Variants in PRSS12 observed in about 807,000 individuals in gnomAD.
PRSS12 encodes serine protease 12, also known as neurotrypsin.
PRSS12 carries 85 observed loss-of-function variants against 104.4 expected under a neutral mutation model. The ratio of observed to expected loss-of-function variants is 0.81; its 90% CI spans 0.68 to 0.98. The LOEUF (loss-of-function observed/expected upper bound fraction) is 0.98, where lower values mean the gene tolerates loss of function less well. PRSS12 is among the 50% of genes least tolerant of loss of function. The probability of loss-of-function intolerance (pLI) is 0.00; values close to 1 mark genes in which losing one functional copy is unlikely to be tolerated. For missense variants in PRSS12, 1,141 were observed against 1,139.2 expected (o/e 1.00, Z -0.02); for synonymous variants, 454 against 425.2 (o/e 1.07, Z -0.83).
intron 1 of PRSS12, among the ~76,000 whole-genome samples, chr4:118,342,753 T>C (rs1417608859): frequency 2.0e-5 from 3 of 152,184 alleles, no homozygotes; most frequent in South Asian, 4.1e-4. Context: ...AAAGGCAAAA[T>C]GTTCCAATGT....
At chr4:118,325,690 C>A (rs1222051148) in intron 4 of PRSS12, among the ~76,000 whole-genome samples, 2 of 152,020 alleles carry the variant, frequency 1.3e-5, no homozygotes, top group Non-Finnish European at 2.9e-5. Context: ...AACAAAAACT[C>A]GTGAACTGTT....
At position 118,299,060 on chromosome 4, in the gene PRSS12, T is replaced by C. The variant is rs928936518; in HGVS notation, c.1632-122A>G. 6 of 1,123,926 alleles carry C rather than the reference T, an allele frequency of 5.3e-6. No homozygotes were observed. In the African/African-American group the frequency reaches 9.3e-5, roughly 17 times the overall value. The allele number at this position is 1,123,926 out of a possible 1,614,324, so 69.6% of individuals were successfully genotyped here. On this transcript the variant is annotated intron_variant, in intron 8 of 12. Transcript: ENST00000296498. ...TATTAAAATTAGCATCTGCATGTGC[T>C]AAAAACCATTTGTTTCATGACTGTC...
At chr4:118,328,468 A>C (rs1038049645) in intron 4 of PRSS12, among the ~76,000 whole-genome samples, 5 of 152,116 alleles carry the variant, frequency 3.3e-5, no homozygotes, top group South Asian at 2.1e-4. Context: ...TTGTGATTCT[A>C]TCTCTATATT....
intron 12 of PRSS12, 132 bp downstream of exon 12, chr4:118,282,699 G>T: frequency 8.3e-7 from 1 of 1,206,232 alleles, no homozygotes; most frequent in Non-Finnish European, 1.2e-6. Flanking sequence ...TTACATGCAT[G>T]CATTTCACAC....
chr4:118,341,606 C>A (rs779082380), intron 1 of PRSS12, among the ~76,000 whole-genome samples: 1 of 150,422 alleles, frequency 6.6e-6, no homozygotes, highest in Non-Finnish European at 1.5e-5. Context: ...CACTTGAACC[C>A]GGGAGGCTGA....
intron 1 of PRSS12, among the ~76,000 whole-genome samples, chr4:118,349,025 G>A (rs1054385597): frequency 5.9e-5 from 9 of 151,930 alleles, no homozygotes; most frequent in Non-Finnish European, 1.2e-4. Flanking sequence ...CCTGCTCTCT[G>A]ACATCTGAGC....
At chr4:118,289,306 A>G (rs1265853806) in intron 11 of PRSS12, among the ~76,000 whole-genome samples, 2 of 152,228 alleles carry the variant, frequency 1.3e-5, no homozygotes, top group East Asian at 3.8e-4. Context: ...TGGCTGGTCA[A>G]GAACATTGGC....
chr4:118,334,941 C>G (rs1407777186), intron 3 of PRSS12, among the ~76,000 whole-genome samples: 1 of 152,130 alleles, frequency 6.6e-6, no homozygotes, highest in Non-Finnish European at 1.5e-5. Context: ...ACACTGAACC[C>G]ATACTGATAA....
At chr4:118,338,811 T>C (rs1467918248) in intron 1 of PRSS12, among the ~76,000 whole-genome samples, 2 of 152,222 alleles carry the variant, frequency 1.3e-5, no homozygotes, top group Admixed American at 1.3e-4. Context: ...TGTTATATCT[T>C]CCATTTGATT....
intron 1 of PRSS12, among the ~76,000 whole-genome samples, chr4:118,346,115 G>A (rs937658425): frequency 6.6e-6 from 1 of 152,134 alleles, no homozygotes; most frequent in African/African-American, 2.4e-5. Context: ...CTATCTCTAA[G>A]TGAAGCCTGG....
At chr4:118,300,738 T>G (rs1049616775) in intron 8 of PRSS12, among the ~76,000 whole-genome samples, 1 of 152,294 alleles carries the variant, frequency 6.6e-6, no homozygotes, top group South Asian at 2.1e-4. Flanking sequence ...TAAAAGTTGA[T>G]ATTTCTAGAA....
chr4:118,281,098 G>T lies in PRSS12; in HGVS notation c.*838C>A, dbSNP rs1271925151. The T allele has an allele frequency of 6.6e-6, 1 of 152,280 alleles. No individual in the cohort carries two copies. Among genetic ancestry groups the T allele is most frequent in the Non-Finnish European group, 1.5e-5 (1 of 68,066 alleles). The allele number at this position is 152,280 out of a possible 1,614,324, so 9.4% of individuals were successfully genotyped here. A position where few individuals can be genotyped will look rare whatever the true frequency, so the allele number is the denominator to read the frequency against. Reference sequence around the variant, plus strand: ...GCAGGTATAAGTCAGTTACAGGGAAGTGTCAGTGGGTGGCACTCTTACATC... The same window carrying T: ...GCAGGTATAAGTCAGTTACAGGGAATTGTCAGTGGGTGGCACTCTTACATC... On this transcript the variant is annotated 3_prime_UTR_variant, in exon 13 of 13. Coordinates refer to ENST00000296498, the MANE Select transcript of PRSS12 (RefSeq NM_003619.4).
At chr4:118,338,056 G>T in intron 2 of PRSS12, 120 bp downstream of exon 2, 1 of 1,316,892 alleles carries the variant, frequency 7.6e-7, no homozygotes, top group Non-Finnish European at 1.1e-6. Context: ...TTTGTGAAAA[G>T]TGAGAATGAG....
At position 118,294,986 on chromosome 4, in the gene PRSS12, C is replaced by T. The variant is rs1578905508; in HGVS notation, c.1992G>A (p.Thr664=). 6 of 1,613,982 alleles carry T rather than the reference C, an allele frequency of 3.7e-6. No homozygotes were observed. The highest frequency in any genetic ancestry group is 1.3e-5 in the African/African-American group (1 of 74,924). The part of the protein sequence containing the change: ...HGDGRLLCGA[T]LLSSCWVLTA... The stretch of plus-strand genomic sequence containing the variant: ...TGAGGACCCAGCAGCTACTCAGGAG[C>T]GTAGCCCCGCAGAGGAGCCTGCCAT... The change falls in exon 11 of 13, where the codon ACG becomes ACA. Residue 664 remains threonine (T), a synonymous_variant. Coordinates refer to ENST00000296498, the MANE Select transcript of PRSS12 (RefSeq NM_003619.4).
chr4:118,319,587 T>C (rs1303779911), intron 4 of PRSS12, among the ~76,000 whole-genome samples: 1 of 152,204 alleles, frequency 6.6e-6, no homozygotes, highest in Non-Finnish European at 1.5e-5. Flanking sequence ...TAGTCTCTTT[T>C]CCTAAACATA....
At chr4:118,282,778 A>G (rs1315847138) in intron 12 of PRSS12, 53 bp downstream of exon 12, 2 of 1,610,190 alleles carry the variant, frequency 1.2e-6, no homozygotes, top group African/African-American at 1.3e-5. Context: ...ACCCAAATAT[A>G]TGGATAATAC....
intron 8 of PRSS12, among the ~76,000 whole-genome samples, chr4:118,301,341 T>C (rs1743402251): frequency 6.6e-6 from 1 of 152,182 alleles, no homozygotes; most frequent in Non-Finnish European, 1.5e-5. Context: ...CTGAACCTCA[T>C]CTCACATGAA....
At position 118,282,909 on chromosome 4, in the gene PRSS12, G is replaced by T; in HGVS notation, c.2242C>A (p.Pro748Thr). 6.2e-7 allele frequency: 1 copy of T among 1,614,140 alleles called. No individual in the cohort carries two copies. Among genetic ancestry groups the T allele is most frequent in the Non-Finnish European group, 8.5e-7 (1 of 1,180,024 alleles). The change falls in exon 12 of 13, where the codon CCA (proline) becomes ACA (threonine). Residue 748 changes from proline to threonine, a missense_variant. Pro to Thr is a conservative substitution (Grantham distance 38). Coordinates refer to ENST00000296498, the MANE Select transcript of PRSS12 (RefSeq NM_003619.4). ...TCTCTCCAGAGTGGTAAACAGGCTG[G>T]CAAAACATGGCTGCTGAATCTGGCA... ...QCARFSSHVL[P>T]ACLPLWRERP...
In PRSS12 at chr4:118,299,466, A is replaced by G. The variant is rs541783013; in HGVS notation, c.1632-528T>C. Among the ~76,000 whole-genome samples the G allele has an allele frequency of 5.7e-4, 87 of 152,146 alleles. No homozygotes were observed. In the East Asian group the frequency reaches 0.015, roughly 26 times the overall value. On this transcript the variant is annotated intron_variant, in intron 8 of 12. Coordinates refer to ENST00000296498, the MANE Select transcript of PRSS12 (RefSeq NM_003619.4). The stretch of plus-strand genomic sequence containing the variant: ...GAGGCCAAGGCGGGCGGATCACCTG[A>G]GGTCAGGAGTTCAAGACCAGCCTAG...
Sources: gnomAD v4.1 joint callset for allele counts (sites outside exome capture counted in the v4.1 genomes callset) on GRCh38, gnomAD v4.1.1 for gene constraint, MANE v1.5 for transcripts, NCBI Gene and HGNC (gene_info 2026-07-23, HGNC 2026-07-21) for gene names.